OR8B3: variants seen among roughly 807,000 people sequenced by gnomAD.
OR8B3 encodes the protein olfactory receptor family 8 subfamily B member 3, also known as olfactory receptor 8B3.
For synonymous variants in OR8B3, 102 were observed against 135.4 expected (o/e 0.75, Z 1.71); for missense variants, 278 against 377.6 (o/e 0.74, Z 2.19).
At chr11:124,397,820 C>G (rs1277616597) in intron 1 of OR8B3, among the ~76,000 whole-genome samples, 1 of 151,968 alleles carries the variant, frequency 6.6e-6, no homozygotes, top group Non-Finnish European at 1.5e-5. Flanking sequence ...TCCAGCCTCC[C>G]AGGTAGCTAG....
the OR8B3 span, among the ~76,000 whole-genome samples, chr11:124,408,828 G>C: frequency 6.6e-6 from 1 of 152,116 alleles, no homozygotes; most frequent in Admixed American, 6.5e-5. Flanking sequence ...AATACTCAAT[G>C]TCACCACCCC....
chr11:124,404,658 C>T, the OR8B3 span: 1 of 152,182 alleles, frequency 6.6e-6, no homozygotes, highest in Admixed American at 6.5e-5. Flanking sequence ...GTAGCAGATC[C>T]TGTTTATCCC....
At chr11:124,406,871 T>C in the OR8B3 span, among the ~76,000 whole-genome samples, 5 of 152,018 alleles carry the variant, frequency 3.3e-5, no homozygotes, top group Non-Finnish European at 5.9e-5. Flanking sequence ...TAATTATAAA[T>C]TTGGTTAGAT....
chr11:124,408,328 A>C, the OR8B3 span, among the ~76,000 whole-genome samples: 1 of 152,212 alleles, frequency 6.6e-6, no homozygotes, highest in Non-Finnish European at 1.5e-5. Context: ...GAGAGAGAAT[A>C]ATCTTAGTTT....
rs983997791 is a variant in OR8B3, at chr11:124,396,172, A to G, written c.*238T>C. 1 of 425,328 alleles carries G rather than the reference A, an allele frequency of 2.4e-6. No homozygotes were observed. The highest frequency in any genetic ancestry group is 4.1e-6 in the Non-Finnish European group (1 of 242,448). The allele number at this position is 425,328 out of a possible 1,614,324, so 26.3% of individuals were successfully genotyped here. ...GAGGAAGGATATAAAATGATAATGA[A>G]AAATATCAGTGCATATGTTCCTTTT... On this transcript the variant is annotated 3_prime_UTR_variant, in exon 2 of 2. Transcript: ENST00000641139.
chr11:124,396,148 A>T lies in OR8B3; in HGVS notation c.*262T>A. On this transcript the variant is annotated 3_prime_UTR_variant, in exon 2 of 2. Transcript: ENST00000641139. ...TCCAATTAAGAACAGCCCAGGAGAG[A>T]GGAAGGATATAAAATGATAATGAAA... The T allele has an allele frequency of 2.8e-6, 1 of 360,102 alleles. No individual in the cohort carries two copies. Among genetic ancestry groups the T allele is most frequent in the Non-Finnish European group, 4.9e-6 (1 of 202,204 alleles). The allele number at this position is 360,102 out of a possible 1,614,324, so 22.3% of individuals were successfully genotyped here. A position where few individuals can be genotyped will look rare whatever the true frequency, so the allele number is the denominator to read the frequency against.
upstream of OR8B3, among the ~76,000 whole-genome samples, chr11:124,403,188 G>T (rs1861024380): frequency 6.6e-6 from 1 of 152,206 alleles, no homozygotes; most frequent in Non-Finnish European, 1.5e-5. Context: ...GAAGAATTTT[G>T]CTTAGTACAG....
chr11:124,396,992 A>G lies in OR8B3; in HGVS notation c.360T>C (p.Tyr120=), dbSNP rs1860890537. Residue 120 remains tyrosine (Y), a synonymous_variant, in exon 2 of 2, where the codon TAT becomes TAC. Coordinates refer to ENST00000641139, the MANE Select transcript of OR8B3 (RefSeq NM_001005467.2). ...GATTACAGATGGCCACATAGCGATCATATGCCATTGAGGTCAACATGTAAC... is the reference window on the plus strand; with the variant it reads ...GATTACAGATGGCCACATAGCGATCGTATGCCATTGAGGTCAACATGTAAC... The part of the protein sequence containing the change: ...SECYMLTSMA[Y]DRYVAICNPL... 1.9e-6 allele frequency: 3 copies of G among 1,613,888 alleles called. No individual in the cohort carries two copies. In the South Asian group the frequency reaches 3.3e-5, roughly 18 times the overall value.
At chr11:124,408,322 G>C in the OR8B3 span, among the ~76,000 whole-genome samples, 1 of 152,178 alleles carries the variant, frequency 6.6e-6, no homozygotes, top group Non-Finnish European at 1.5e-5. Context: ...ATAGAGGAGA[G>C]AGAATAATCT....
chr11:124,398,311 G>T (rs1236297075), intron 1 of OR8B3, among the ~76,000 whole-genome samples: 2 of 152,128 alleles, frequency 1.3e-5, no homozygotes, highest in Admixed American at 1.3e-4. Flanking sequence ...GCTTTCACAG[G>T]TCTTTGTAGG....
chr11:124,406,793 C>CCACACA, the OR8B3 span, among the ~76,000 whole-genome samples: 1,895 of 145,198 alleles, frequency 0.013, 31 homozygotes, highest in African/African-American at 0.043. Flanking sequence ...CTCCTTCTCA[C>CCACACA]CACACACACA....
At position 124,395,611 on chromosome 11, in the gene OR8B3, G is replaced by T. The variant is rs1860849405; in HGVS notation, c.*799C>A. The T allele has an allele frequency of 6.6e-6, 1 of 152,140 alleles. No individual in the cohort carries two copies. The highest frequency in any genetic ancestry group is 1.5e-5 in the Non-Finnish European group (1 of 68,032). The allele number at this position is 152,140 out of a possible 1,614,324, so 9.4% of individuals were successfully genotyped here. ...AACGAGTAAAAAAATAACATTTACA[G>T]TAGGAACTACACGCTTTTTTCAAAA... On this transcript the variant is annotated 3_prime_UTR_variant, in exon 2 of 2. Transcript: ENST00000641139.
At position 124,396,369 on chromosome 11, in the gene OR8B3, T is replaced by A. The variant is rs185876109; in HGVS notation, c.*41A>T. On this transcript the variant is annotated 3_prime_UTR_variant, in exon 2 of 2. Coordinates refer to ENST00000641139, the MANE Select transcript of OR8B3 (RefSeq NM_001005467.2). ...TCTTCATGGAACACACTAATAAAAA[T>A]TTAAAGTTCTTCAATCGTTTTACAT... 3.7e-4 allele frequency: 565 copies of A among 1,524,542 alleles called. 3 individuals carry two copies. The African/African-American group carries it at 6.9e-3, about 19-fold the overall frequency. 94.4% of individuals were successfully genotyped at this position (1,524,542 alleles called of 1,614,324 possible).
rs766069627 is a variant in OR8B3, at chr11:124,396,473, G to T, written c.879C>A (p.Asn293Lys). Residue 293 changes from asparagine to lysine, a missense_variant, in exon 2 of 2, where the codon AAC becomes AAA. Transcript: ENST00000641139. ...MLNPLIYSLR[N>K]KDVKVALRKA... Reference sequence around the variant, plus strand: ...TCCTCAGTGCAACTTTGACATCCTTGTTCCTCAAACTGTAGATGAGAGGAT... The same window carrying T: ...TCCTCAGTGCAACTTTGACATCCTTTTTCCTCAAACTGTAGATGAGAGGAT... 1.3e-5 allele frequency: 21 copies of T among 1,613,694 alleles called. No individual in the cohort carries two copies. The highest frequency in any genetic ancestry group is 1.8e-5 in the Non-Finnish European group (21 of 1,179,964).
At chr11:124,406,407 A>G in the OR8B3 span, among the ~76,000 whole-genome samples, 1 of 152,100 alleles carries the variant, frequency 6.6e-6, no homozygotes, top group African/African-American at 2.4e-5. Flanking sequence ...ATATTCGCCT[A>G]TATATATAAA....
chr11:124,398,910 A>G lies in OR8B3; in HGVS notation c.-238T>C, dbSNP rs1160705036. ...TCAAACTATTATTTATAAATTTGCC[A>G]AGAGGGTTTGTTGGAAAACTGCACT... On this transcript the variant is annotated 5_prime_UTR_variant, in exon 1 of 2. Coordinates refer to ENST00000641139, the MANE Select transcript of OR8B3 (RefSeq NM_001005467.2). The G allele has an allele frequency of 2.0e-5, 3 of 151,226 alleles. No individual in the cohort carries two copies. Among genetic ancestry groups the G allele is most frequent in the Non-Finnish European group, 4.4e-5 (3 of 67,724 alleles). 9.4% of individuals were successfully genotyped at this position (151,226 alleles called of 1,614,324 possible). A position where few individuals can be genotyped will look rare whatever the true frequency, so the allele number is the denominator to read the frequency against.
At chr11:124,403,198 G>A (rs1861024503), upstream of OR8B3, among the ~76,000 whole-genome samples, 1 of 152,254 alleles carries the variant, frequency 6.6e-6, no homozygotes, top group South Asian at 2.1e-4. Flanking sequence ...GCTTAGTACA[G>A]AACAAAATGG....
rs776101359 is a variant in OR8B3, at chr11:124,396,426, C to T, written c.926G>A (p.Arg309Lys). The change falls in exon 2 of 2, where the codon AGA becomes AAA. Residue 309 changes from arginine to lysine, a missense_variant. Transcript: ENST00000641139. The part of the protein sequence containing the change: ...ALRKALIKIQ[R>K]RNIF The stretch of plus-strand genomic sequence containing the variant: ...TGCTTCTAATTAGAATATATTTCTT[C>T]TCTGAATTTTAATCAGAGCTTTCCT... 5.6e-6 allele frequency: 9 copies of T among 1,600,262 alleles called. No individual in the cohort carries two copies. In the South Asian group the frequency reaches 1.0e-4, roughly 18 times the overall value.
upstream of OR8B3, among the ~76,000 whole-genome samples, chr11:124,402,219 A>G (rs1861005220): frequency 6.6e-6 from 1 of 152,216 alleles, no homozygotes; most frequent in Admixed American, 6.5e-5. Context: ...AAAGATGTAC[A>G]ACAGTACCCA....
Sources: allele counts gnomAD v4.1 joint callset (sites outside exome capture counted in the v4.1 genomes callset), GRCh38; gene constraint gnomAD v4.1.1; transcripts MANE v1.5; gene names NCBI Gene and HGNC (gene_info 2026-07-23, HGNC 2026-07-21).